Variants in HMGB1 observed in about 807,000 individuals in gnomAD.
HMGB1 encodes the protein high mobility group protein B1.
For missense variants in HMGB1, 79 were observed against 253.5 expected (o/e 0.31, Z 4.67); for synonymous variants, 81 against 84.0 (o/e 0.96, Z 0.19).
chr13:30,605,145 G>C (rs1214852638), intron 1 of HMGB1, among the ~76,000 whole-genome samples: 1 of 152,194 alleles, frequency 6.6e-6, no homozygotes, highest in African/African-American at 2.4e-5. Context: ...TTGGGGCTGT[G>C]CAGAAGAGAC....
chr13:30,597,260 AAGG>A (rs1215877784), intron 1 of HMGB1, among the ~76,000 whole-genome samples: 1 of 152,174 alleles, frequency 6.6e-6, no homozygotes. Context: ...ACACACAAAC[AAGG>A]AGAATATCAA....
chr13:30,538,693 C>CA (rs1555238893), intron 1 of HMGB1, among the ~76,000 whole-genome samples: 3 of 111,860 alleles, frequency 2.7e-5, no homozygotes, highest in Admixed American at 9.7e-5. Flanking sequence ...TCCTTTCTTT[C>CA]TTTCTTTCTT....
intron 1 of HMGB1, among the ~76,000 whole-genome samples, chr13:30,562,483 T>TATA (rs1870003548): frequency 6.6e-6 from 1 of 152,238 alleles, no homozygotes; most frequent in Admixed American, 6.5e-5. Context: ...AAAGTACTCT[T>TATA]ATATGAAAAG....
chr13:30,588,498 G>A (rs530391092), intron 1 of HMGB1, among the ~76,000 whole-genome samples: 5 of 152,218 alleles, frequency 3.3e-5, no homozygotes, highest in African/African-American at 7.2e-5. Flanking sequence ...CCTCTGCAGC[G>A]GGGGAAAAAA....
At chr13:30,594,248 G>A (rs2137556528) in intron 1 of HMGB1, among the ~76,000 whole-genome samples, 1 of 152,214 alleles carries the variant, frequency 6.6e-6, no homozygotes, top group Admixed American at 6.5e-5. Context: ...AGATTCCGGG[G>A]ATACACGTGC....
intron 1 of HMGB1, among the ~76,000 whole-genome samples, chr13:30,465,477 C>G (rs1886724981): frequency 6.7e-6 from 1 of 148,454 alleles, no homozygotes; most frequent in African/African-American, 2.4e-5. Context: ...GGGCCCAAAA[C>G]ACGTTCAAAA....
chr13:30,551,195 T>C (rs1435695515), intron 1 of HMGB1, among the ~76,000 whole-genome samples: 1 of 151,950 alleles, frequency 6.6e-6, no homozygotes, highest in Admixed American at 6.6e-5. Context: ...TGATAAAAGA[T>C]AAATAAACCC....
intron 1 of HMGB1, among the ~76,000 whole-genome samples, chr13:30,577,556 T>C (rs1303334827): frequency 6.6e-6 from 1 of 152,062 alleles, no homozygotes; most frequent in Non-Finnish European, 1.5e-5. Context: ...CATCCTCTCT[T>C]CCCTAGAGTC....
intron 1 of HMGB1, among the ~76,000 whole-genome samples, chr13:30,520,630 T>TA (rs1555236793): frequency 2.0e-5 from 3 of 152,110 alleles, no homozygotes; most frequent in African/African-American, 7.2e-5. Flanking sequence ...AATAAATAAA[T>TA]AAATAAAATA....
chr13:30,578,565 A>G, intron 1 of HMGB1, among the ~76,000 whole-genome samples: 1 of 151,744 alleles, frequency 6.6e-6, no homozygotes, highest in East Asian at 1.9e-4. Context: ...CCTAACTCTA[A>G]TCTCTCTTTT....
At chr13:30,555,101 G>A (rs1420776326) in intron 1 of HMGB1, among the ~76,000 whole-genome samples, 2 of 134,522 alleles carry the variant, frequency 1.5e-5, no homozygotes, top group African/African-American at 5.4e-5. Context: ...GAGTACAGTG[G>A]CGCGATCTCG....
intron 1 of HMGB1, among the ~76,000 whole-genome samples, chr13:30,512,659 A>G (rs1888017471): frequency 6.6e-6 from 1 of 152,220 alleles, no homozygotes; most frequent in Non-Finnish European, 1.5e-5. Flanking sequence ...TGGCTAAAGT[A>G]AGGCCACTGC....
intron 1 of HMGB1, among the ~76,000 whole-genome samples, chr13:30,489,527 T>C (rs1332887290): frequency 1.3e-5 from 2 of 152,286 alleles, no homozygotes; most frequent in East Asian, 3.9e-4. Context: ...TCATTTTAAA[T>C]AAGCATAGTT....
chr13:30,554,481 C>T, intron 1 of HMGB1: 2 of 1,025,938 alleles, frequency 1.9e-6, no homozygotes, highest in African/African-American at 1.6e-5. Flanking sequence ...TCATACATGG[C>T]TATAATAGAA....
chr13:30,469,496 G>A (rs1390671420), upstream of HMGB1, among the ~76,000 whole-genome samples: 1 of 120,858 alleles, frequency 8.3e-6, no homozygotes, highest in Non-Finnish European at 1.9e-5. Context: ...GGTTATGGCT[G>A]TATTGCCCAG....
chr13:30,609,145 C>T (rs1186860168), intron 1 of HMGB1, among the ~76,000 whole-genome samples: 3 of 152,132 alleles, frequency 2.0e-5, no homozygotes, highest in Admixed American at 6.5e-5. Context: ...AGCCTGTAGT[C>T]CCAGCTACTC....
In HMGB1 at chr13:30,460,490, A is replaced by G. The variant is rs1033461990; in HGVS notation, c.*867T>C. 5 of 152,062 alleles carry G rather than the reference A, an allele frequency of 3.3e-5. No homozygotes were observed. The South Asian group carries it at 6.3e-4, about 19-fold the overall frequency. 9.4% of individuals were successfully genotyped at this position (152,062 alleles called of 1,614,324 possible). On this transcript the variant is annotated 3_prime_UTR_variant, in exon 5 of 5. Coordinates refer to ENST00000341423, the MANE Select transcript of HMGB1 (RefSeq NM_002128.7). ...TTCTTTAATGTGGGAACTGCAAAAT[A>G]TAACTGCCATTACATGGTAATGGGA...
intron 1 of HMGB1, among the ~76,000 whole-genome samples, chr13:30,477,276 A>C (rs1471593250): frequency 6.9e-6 from 1 of 145,266 alleles, no homozygotes; most frequent in Non-Finnish European, 1.5e-5. Flanking sequence ...GTTGCGATGG[A>C]CTCCGATTTT....
At chr13:30,505,327 T>C (rs570204239) in intron 1 of HMGB1, among the ~76,000 whole-genome samples, 399 of 152,102 alleles carry the variant, frequency 2.6e-3, no homozygotes, top group African/African-American at 5.3e-3. Flanking sequence ...TACAGGTGCG[T>C]GCCACCAGGC....
Sources: gnomAD v4.1 joint callset for allele counts (sites outside exome capture counted in the v4.1 genomes callset) on GRCh38, gnomAD v4.1.1 for gene constraint, MANE v1.5 for transcripts, NCBI Gene and HGNC (gene_info 2026-07-23, HGNC 2026-07-21) for gene names.